Variants in CAMTA1 observed in about 807,000 individuals in gnomAD.
CAMTA1 encodes calmodulin-binding transcription activator 1.
In CAMTA1, 27 loss-of-function variants were observed where a neutral mutation model predicts 170.9. The ratio of observed to expected loss-of-function variants is 0.16; its 90% CI spans 0.12 to 0.22. The LOEUF is 0.22. Ranked by LOEUF, CAMTA1 falls within the 10% of genes least tolerant of loss-of-function variation. The pLI is 1.00. For synonymous variants in CAMTA1, 833 were observed against 891.5 expected (o/e 0.93, Z 1.17); for missense variants, 1,619 against 2,217.2 (o/e 0.73, Z 5.42).
chr1:7,235,007 G>C (rs970159022), intron 4 of CAMTA1, among the ~76,000 whole-genome samples: 3 of 151,838 alleles, frequency 2.0e-5, no homozygotes, highest in Non-Finnish European at 2.9e-5. Context: ...GGCTGGTCTC[G>C]AACTCCTGAC....
intron 5 of CAMTA1, among the ~76,000 whole-genome samples, chr1:7,366,688 G>A (rs1361848001): frequency 1.3e-5 from 2 of 152,346 alleles, no homozygotes; most frequent in East Asian, 3.9e-4. Context: ...CGGCTCCTCG[G>A]TGCACATGTC....
chr1:7,125,940 A>T (rs1644907779), intron 4 of CAMTA1, among the ~76,000 whole-genome samples: 3 of 152,180 alleles, frequency 2.0e-5, no homozygotes, highest in Non-Finnish European at 4.4e-5. Context: ...TGGGTAATTT[A>T]TAAAGAAAAA....
chr1:7,264,263 T>C (rs11120889), intron 5 of CAMTA1, among the ~76,000 whole-genome samples: 52,549 of 152,178 alleles, frequency 0.35, 9,542 homozygotes, highest in South Asian at 0.55. Flanking sequence ...CAGCTGATGC[T>C]GCTGGTGCCA....
chr1:6,955,833 C>T (rs1689357931), intron 3 of CAMTA1, among the ~76,000 whole-genome samples: 1 of 152,164 alleles, frequency 6.6e-6, no homozygotes, highest in African/African-American at 2.4e-5. Context: ...GGCCTGACCT[C>T]CATCCTGCAC....
intron 4 of CAMTA1, among the ~76,000 whole-genome samples, chr1:7,186,255 A>G (rs1653245671): frequency 6.6e-6 from 1 of 152,220 alleles, no homozygotes; most frequent in South Asian, 2.1e-4. Context: ...ATATACAAAA[A>G]TTGTACTATT....
chr1:7,204,830 C>CTT (rs367812076), intron 4 of CAMTA1, among the ~76,000 whole-genome samples: 19 of 86,826 alleles, frequency 2.2e-4, no homozygotes, highest in South Asian at 4.6e-4. Flanking sequence ...TTCTTTTTTT[C>CTT]TTTTTTTTTT....
intron 5 of CAMTA1, among the ~76,000 whole-genome samples, chr1:7,320,882 T>C (rs1252033441): frequency 6.6e-6 from 1 of 152,052 alleles, no homozygotes; most frequent in African/African-American, 2.4e-5. Flanking sequence ...TGGGCAGGAC[T>C]CCATTTATGA....
Position 7,113,042 on chromosome 1 carries a change from C to G in CAMTA1, c.302+21671C>G, listed in dbSNP as rs1330672359. On this transcript the variant is annotated intron_variant, in intron 4 of 22. Transcript: ENST00000303635. This position sits in a 1 kb window ranked among gnomAD's most constrained non-coding sequence, Gnocchi z 4.5. ...TTCAGGTACTCTGGTTCCATCTCTT[C>G]CGGCCTTTGCATGTGGGGCTCTCAG... Among the ~76,000 whole-genome samples, 5 of 152,226 alleles carry G rather than the reference C, an allele frequency of 3.3e-5. No individual in the cohort carries two copies. Among genetic ancestry groups the G allele is most frequent in the Non-Finnish European group, 5.9e-5 (4 of 68,036 alleles).
At chr1:7,440,470 A>G (rs1316906764) in intron 5 of CAMTA1, among the ~76,000 whole-genome samples, 2 of 152,246 alleles carry the variant, frequency 1.3e-5, no homozygotes. Context: ...CTGCATCTTG[A>G]AGGTTTGATT....
intron 3 of CAMTA1, chr1:6,886,138 T>A (rs1285196173): frequency 2.2e-6 from 1 of 446,446 alleles, no homozygotes; most frequent in Non-Finnish European, 4.5e-6. Flanking sequence ...GGTGGATGGA[T>A]GGGGGAAGTG....
chr1:7,530,222 C>T (rs1268158147), intron 6 of CAMTA1, among the ~76,000 whole-genome samples: 15 of 152,242 alleles, frequency 9.9e-5, no homozygotes. Context: ...CCTCAGGCTA[C>T]AGCTGGCCCC....
At chr1:6,912,575 G>A (rs529017574) in intron 3 of CAMTA1, among the ~76,000 whole-genome samples, 2 of 152,330 alleles carry the variant, frequency 1.3e-5, no homozygotes, top group East Asian at 1.9e-4. Flanking sequence ...AGAAGTTCAT[G>A]TTTCCGTTAG....
intron 10 of CAMTA1, 77 bp downstream of exon 10, chr1:7,671,114 G>T (rs1576735907): frequency 6.5e-7 from 1 of 1,536,650 alleles, no homozygotes; most frequent in East Asian, 2.3e-5. Context: ...TGGCCTTGGG[G>T]TGACCTTGAG....
intron 1 of CAMTA1, among the ~76,000 whole-genome samples, chr1:6,819,622 T>G (rs932434773): frequency 1.3e-5 from 2 of 152,236 alleles, no homozygotes; most frequent in Admixed American, 6.5e-5. Flanking sequence ...ACACAAGTTA[T>G]GCATGTTCAT....
chr1:7,412,015 T>G (rs897990387), intron 5 of CAMTA1, among the ~76,000 whole-genome samples: 1 of 151,572 alleles, frequency 6.6e-6, no homozygotes, highest in African/African-American at 2.4e-5. Context: ...GGTGTTTGGT[T>G]TTTTGTCCTT....
intron 3 of CAMTA1, among the ~76,000 whole-genome samples, chr1:6,988,598 C>T (rs1348415072): frequency 6.6e-6 from 1 of 151,928 alleles, no homozygotes; most frequent in Non-Finnish European, 1.5e-5. Context: ...TTGGATTCCC[C>T]CCCACCCCCT....
At chr1:7,046,422 G>C (rs1386854829) in intron 3 of CAMTA1, among the ~76,000 whole-genome samples, 11 of 152,216 alleles carry the variant, frequency 7.2e-5, no homozygotes, top group Admixed American at 6.5e-4. Flanking sequence ...TCCAGAGGGA[G>C]GGAGTGCCAC....
At chr1:7,343,567 AC>A (rs1306117836) in intron 5 of CAMTA1, among the ~76,000 whole-genome samples, 1 of 152,162 alleles carries the variant, frequency 6.6e-6, no homozygotes, top group African/African-American at 2.4e-5. Context: ...AATGCCCATG[AC>A]CTGCTGGTCA....
intron 5 of CAMTA1, among the ~76,000 whole-genome samples, chr1:7,253,212 G>T (rs1346111898): frequency 6.6e-6 from 1 of 152,186 alleles, no homozygotes; most frequent in Non-Finnish European, 1.5e-5. Context: ...GTGTGGAGGA[G>T]CTTTGGGAGT....
Sources: gnomAD v4.1 joint callset for allele counts (sites outside exome capture counted in the v4.1 genomes callset) on GRCh38, gnomAD v4.1.1 for gene constraint, Gnocchi (gnomAD v3.1) non-coding constraint, MANE v1.5 for transcripts, NCBI Gene and HGNC (gene_info 2026-07-23, HGNC 2026-07-21) for gene names.